HOXC4: variants seen among roughly 807,000 people sequenced by gnomAD.
HOXC4 encodes the protein homeobox protein Hox-C4.
Under a neutral mutation model 25.5 loss-of-function variants are expected in HOXC4, and 15 were observed. The ratio of observed to expected loss-of-function variants is 0.59; its 90% confidence interval spans 0.39 to 0.91. The LOEUF (loss-of-function observed/expected upper bound fraction) is 0.91. Ranked by LOEUF, HOXC4 falls within the 40% of genes least tolerant of loss-of-function variation. The pLI, the probability that HOXC4 is intolerant of heterozygous loss-of-function variation, is 0.00. For missense variants in HOXC4, 342 were observed against 352.4 expected (o/e 0.97, Z 0.24); for synonymous variants, 165 against 148.0 (o/e 1.11, Z -0.83).
Position 54,054,275 on chromosome 12 carries a change from G to A in HOXC4, c.353G>A (p.Ser118Asn), listed in dbSNP as rs1016495903. Residue 118 changes from serine to asparagine, a missense_variant, in exon 1 of 2, where the codon AGC becomes AAC. Transcript: ENST00000430889. The part of the protein sequence containing the change: ...ASPSPAPPAC[S>N]QPAPDHPSSA... ...CCGTCCCCAGCCCCGCCAGCCTGCA[G>A]CCAGCCAGCCCCCGACCATCCCTCC... is the stretch of plus-strand genomic sequence containing the variant. 6.2e-7 allele frequency: 1 copy of A among 1,606,924 alleles called. No individual in the cohort carries two copies. Among genetic ancestry groups the A allele is most frequent in the Non-Finnish European group, 8.5e-7 (1 of 1,176,618 alleles).
intron 1 of HOXC4, among the ~76,000 whole-genome samples, chr12:54,039,419 G>A (rs1459514106): frequency 6.6e-6 from 1 of 151,986 alleles, no homozygotes; most frequent in Non-Finnish European, 1.5e-5. Flanking sequence ...TCAGTCTAGG[G>A]GTCTCTCACT....
In HOXC4 at chr12:54,055,146, C is replaced by A; in HGVS notation, c.736C>A (p.His246Asn). ...AGCTACCCCGGGTACTTCTGAAGAC[C>A]ACTCCCAGAGCGCCACGCCGCCGGA... ...SAATPGTSED[H>N]SQSATPPEQQ... The change falls in exon 2 of 2, where the codon CAC (histidine) becomes AAC (asparagine). Residue 246 changes from histidine (H) to asparagine (N), a missense_variant. His to Asn is a moderately conservative substitution (Grantham distance 68). Coordinates refer to ENST00000430889, the MANE Select transcript of HOXC4 (RefSeq NM_153633.3). 6.2e-7 allele frequency: 1 copy of A among 1,613,212 alleles called. No homozygotes were observed.
intron 1 of HOXC4, among the ~76,000 whole-genome samples, chr12:54,025,448 T>C (rs573413699): frequency 2.0e-5 from 3 of 149,954 alleles, no homozygotes; most frequent in Admixed American, 6.7e-5. Context: ...AGCGAATCCT[T>C]TCAGCAAATT....
chr12:54,034,572 T>C, intron 1 of HOXC4: 1 of 1,241,630 alleles, frequency 8.1e-7, no homozygotes, highest in Non-Finnish European at 1.1e-6. Context: ...TTCCTCTCTA[T>C]ATTTCGGGTC....
intron 1 of HOXC4, among the ~76,000 whole-genome samples, chr12:54,035,815 C>T (rs1941173288): frequency 6.6e-6 from 1 of 152,002 alleles, no homozygotes; most frequent in African/African-American, 2.4e-5. Context: ...TCTAGGGACC[C>T]ATTTGGTCTC....
intron 1 of HOXC4, among the ~76,000 whole-genome samples, chr12:54,019,165 T>TCCCCCCCCCCCCCC (rs1940305860): frequency 7.7e-6 from 1 of 129,560 alleles, no homozygotes. Context: ...GCATTTTCTC[T>TCCCCCCCCCCCCCC]CCCCCTCCCC....
In HOXC4 at chr12:54,029,531, T is replaced by C. The variant is rs921132372; in HGVS notation, c.-124+12117T>C. On this transcript the variant is annotated intron_variant, in intron 1 of 3. Coordinates refer to the HOXC4 transcript ENST00000303406. ...TGGGGCAAGGCAAAAGGGAGAAGGCTAGAGCCCTAAGGAGGCTGTGAGCTG... is the reference window on the plus strand; with the variant it reads ...TGGGGCAAGGCAAAAGGGAGAAGGCCAGAGCCCTAAGGAGGCTGTGAGCTG... The C allele has an allele frequency of 4.0e-6, 4 of 999,554 alleles. No individual in the cohort carries two copies. In the African/African-American group the frequency reaches 6.5e-5, roughly 16 times the overall value. 61.9% of individuals were successfully genotyped at this position (999,554 alleles called of 1,614,324 possible).
intron 1 of HOXC4, among the ~76,000 whole-genome samples, chr12:54,023,104 G>C (rs747476178): frequency 6.6e-5 from 10 of 152,176 alleles, no homozygotes; most frequent in Non-Finnish European, 1.0e-4. Flanking sequence ...AGATCACAGA[G>C]AGCTGTGTCC....
chr12:54,026,037 A>G (rs963159731), intron 1 of HOXC4, among the ~76,000 whole-genome samples: 18 of 152,186 alleles, frequency 1.2e-4, no homozygotes, highest in Non-Finnish European at 2.6e-4. Flanking sequence ...CCATCATTCA[A>G]TTTGTTGTAC....
intron 1 of HOXC4, among the ~76,000 whole-genome samples, chr12:54,031,922 T>C (rs1782743801): frequency 6.6e-6 from 1 of 152,182 alleles, no homozygotes. Flanking sequence ...TTGTGAACCT[T>C]ATGGATTCAG....
chr12:54,051,984 T>A (rs1937856968), upstream of HOXC4, among the ~76,000 whole-genome samples: 1 of 152,064 alleles, frequency 6.6e-6, no homozygotes, highest in Non-Finnish European at 1.5e-5. Context: ...CCCTTTCCCC[T>A]CCTCATTCCC....
chr12:54,022,795 G>T (rs1476401478), intron 1 of HOXC4, among the ~76,000 whole-genome samples: 1 of 152,162 alleles, frequency 6.6e-6, no homozygotes. Flanking sequence ...TCACTGTGAT[G>T]TCATAATACC....
chr12:54,019,451 G>C (rs894263355), intron 1 of HOXC4, among the ~76,000 whole-genome samples: 4 of 152,154 alleles, frequency 2.6e-5, no homozygotes, highest in Non-Finnish European at 5.9e-5. Context: ...GGCCCGAGAG[G>C]CCCGAAAAAG....
At chr12:54,034,544 C>T (rs1472454228) in intron 1 of HOXC4, 1 of 1,462,752 alleles carries the variant, frequency 6.8e-7, no homozygotes, top group Non-Finnish European at 9.5e-7. Context: ...CCTGTCCCTG[C>T]GCCTTTCCTT....
chr12:54,048,745 A>G (rs2136462579), intron 1 of HOXC4, among the ~76,000 whole-genome samples: 1 of 152,234 alleles, frequency 6.6e-6, no homozygotes, highest in Middle Eastern at 3.4e-3. Context: ...ACTTTGAGAT[A>G]CCCTCATAAA....
At chr12:54,045,655 A>C (rs1937684878) in intron 1 of HOXC4, among the ~76,000 whole-genome samples, 2 of 152,160 alleles carry the variant, frequency 1.3e-5, no homozygotes, top group Admixed American at 6.5e-5. Flanking sequence ...AGGGGCATAG[A>C]TCTCCCTTCT....
upstream of HOXC4, among the ~76,000 whole-genome samples, chr12:54,051,407 C>A (rs1046659949): frequency 6.9e-6 from 1 of 145,496 alleles, no homozygotes; most frequent in African/African-American, 2.6e-5. Context: ...AATGAACCCA[C>A]CCCCACCACC....
At chr12:54,023,779 G>C (rs1040865622) in intron 1 of HOXC4, among the ~76,000 whole-genome samples, 1 of 152,130 alleles carries the variant, frequency 6.6e-6, no homozygotes, top group Non-Finnish European at 1.5e-5. Context: ...TTTTTGGAAT[G>C]CGGTGTGTGT....
chr12:54,029,980 A>G (rs1257429842), intron 1 of HOXC4: 1 of 1,512,100 alleles, frequency 6.6e-7, no homozygotes, highest in East Asian at 2.3e-5. Context: ...TGTCCCTGCC[A>G]CCCCTCTCTC....
Sources: allele counts gnomAD v4.1 joint callset (sites outside exome capture counted in the v4.1 genomes callset), GRCh38; gene constraint gnomAD v4.1.1; transcripts MANE v1.5; gene names NCBI Gene and HGNC (gene_info 2026-07-23, HGNC 2026-07-21).